Variants in IQCJ observed in about 807,000 individuals in gnomAD.
IQCJ encodes IQ domain-containing protein J.
Under a neutral mutation model 11.0 loss-of-function variants are expected in IQCJ, and 9 were observed. The observed-to-expected ratio is 0.82, with a 90% CI of 0.49 to 1.43. IQCJ has a LOEUF of 1.43. Ranked by LOEUF, IQCJ falls within the 40% of genes most tolerant of loss-of-function variation. The probability of loss-of-function intolerance (pLI) is 0.00; values close to 1 mark genes in which losing one functional copy is unlikely to be tolerated. For synonymous variants in IQCJ, 55 were observed against 51.3 expected, an observed-to-expected ratio of 1.07 and a Z score of -0.31; for missense variants, 146 against 133.2, an observed-to-expected ratio of 1.10 and a Z score of -0.47.
intron 1 of IQCJ, among the ~76,000 whole-genome samples, chr3:159,206,497 T>C (rs1724664411): frequency 6.6e-6 from 1 of 152,210 alleles, no homozygotes; most frequent in African/African-American, 2.4e-5. Context: ...AATCAAGATG[T>C]TCACCTTGAT....
intron 1 of IQCJ, among the ~76,000 whole-genome samples, chr3:159,164,246 A>G (rs1722039671): frequency 1.3e-5 from 2 of 152,152 alleles, no homozygotes; most frequent in Admixed American, 1.3e-4. Context: ...CCTTTTTGCT[A>G]CAATAAGAAA....
rs1304572825 is a variant in IQCJ, at chr3:159,109,532, A to AAAAAAAC, written c.9+40097_9+40098insCAAAAAA. ...GTAGCCTTACTTGTATTAACTAAAA[A>AAAAAAAC]AAAAAAAAAAAAAACCAGTTGTCAT... On this transcript the variant is annotated intron_variant, in intron 1 of 3. Transcript: ENST00000397832. 2.0e-5 allele frequency among the ~76,000 whole-genome samples: 3 copies of AAAAAAAC among 151,042 alleles called. No homozygotes were observed. The East Asian group carries it at 5.8e-4, about 29-fold the overall frequency.
intron 1 of IQCJ, among the ~76,000 whole-genome samples, chr3:159,108,454 T>C (rs1208375120): frequency 6.6e-6 from 1 of 152,222 alleles, no homozygotes; most frequent in Non-Finnish European, 1.5e-5. Context: ...AGGTATTTAA[T>C]TTCTTGGATC....
intron 3 of IQCJ, among the ~76,000 whole-genome samples, 180 bp downstream of exon 3, chr3:159,252,987 G>A (rs980746778): frequency 5.3e-5 from 8 of 152,108 alleles, no homozygotes; most frequent in African/African-American, 1.9e-4. Context: ...ACCATCTACT[G>A]GGTAGTACAG....
At chr3:159,158,174 T>G (rs1721639317) in intron 1 of IQCJ, among the ~76,000 whole-genome samples, 1 of 152,248 alleles carries the variant, frequency 6.6e-6, no homozygotes, top group Admixed American at 6.5e-5. Context: ...TTAAAGGTAC[T>G]GTTTTGTAGA....
intron 1 of IQCJ, among the ~76,000 whole-genome samples, chr3:159,096,546 G>A (rs1376693742): frequency 1.7e-5 from 1 of 57,456 alleles, no homozygotes; most frequent in East Asian, 5.0e-4. Flanking sequence ...TTTTGTATAA[G>A]GTGTAAGGAA....
At chr3:159,092,102 C>T (rs777160765) in intron 1 of IQCJ, among the ~76,000 whole-genome samples, 24 of 151,806 alleles carry the variant, frequency 1.6e-4, no homozygotes, top group South Asian at 6.2e-4. Flanking sequence ...GAGGACATCA[C>T]CTTCCCCAAC....
chr3:159,170,713 A>G (rs568511675), intron 1 of IQCJ, among the ~76,000 whole-genome samples: 1 of 151,240 alleles, frequency 6.6e-6, no homozygotes, highest in East Asian at 2.0e-4. Context: ...AGCTGGGGTA[A>G]TGTGCTATGG....
chr3:159,131,855 A>C (rs1409224167), intron 1 of IQCJ, among the ~76,000 whole-genome samples: 1 of 152,048 alleles, frequency 6.6e-6, no homozygotes. Context: ...TCAGGCTCTC[A>C]TTTGTCTACA....
chr3:159,250,576 G>T (rs138697299), intron 2 of IQCJ, among the ~76,000 whole-genome samples: 1 of 152,206 alleles, frequency 6.6e-6, no homozygotes, highest in Admixed American at 6.5e-5. Context: ...TTGCAATCTC[G>T]GCAGAAGGCA....
chr3:159,113,905 C>T (rs111540084), intron 1 of IQCJ, among the ~76,000 whole-genome samples: 85 of 152,244 alleles, frequency 5.6e-4, no homozygotes, highest in African/African-American at 1.9e-3. Context: ...AGGCAGTGAT[C>T]GTTTAAGAAC....
At chr3:159,231,591 C>A (rs1209712524) in intron 1 of IQCJ, among the ~76,000 whole-genome samples, 1 of 152,066 alleles carries the variant, frequency 6.6e-6, no homozygotes, top group Non-Finnish European at 1.5e-5. Context: ...CTGAAACTTT[C>A]TTTTTTTGTT....
intron 1 of IQCJ, among the ~76,000 whole-genome samples, chr3:159,222,071 G>A (rs2621278): frequency 0.69 from 105,428 of 151,954 alleles, 37,322 homozygotes; most frequent in Middle Eastern, 0.79. Flanking sequence ...TACTAAAATT[G>A]TAATACAAGA....
intron 1 of IQCJ, among the ~76,000 whole-genome samples, chr3:159,222,684 T>C (rs1427792454): frequency 6.6e-6 from 1 of 152,176 alleles, no homozygotes; most frequent in Non-Finnish European, 1.5e-5. Flanking sequence ...AGGTTTTAGG[T>C]ACTCTTGCCT....
intron 1 of IQCJ, among the ~76,000 whole-genome samples, chr3:159,173,124 T>C (rs1219395150): frequency 6.6e-6 from 1 of 152,196 alleles, no homozygotes; most frequent in African/African-American, 2.4e-5. Context: ...ATAAACACCC[T>C]CTTCAGCTTT....
chr3:159,144,661 GACACACACACACAC>G (rs10561081), intron 1 of IQCJ, among the ~76,000 whole-genome samples: 2,280 of 150,334 alleles, frequency 0.015, 26 homozygotes, highest in Non-Finnish European at 0.024. Context: ...TACACACACA[GACACACACACACAC>G]ACACACACAC....
intron 1 of IQCJ, among the ~76,000 whole-genome samples, chr3:159,105,190 C>CAT (rs1718175151): frequency 1.3e-5 from 2 of 152,092 alleles, no homozygotes; most frequent in Admixed American, 1.3e-4. Flanking sequence ...GTTAAAGTCA[C>CAT]ATATATATAA....
chr3:159,244,535 T>A (rs1436292693), intron 1 of IQCJ, among the ~76,000 whole-genome samples: 1 of 152,212 alleles, frequency 6.6e-6, no homozygotes, highest in African/African-American at 2.4e-5. Context: ...TCTTTGCTCT[T>A]CCTGCTCTAA....
At chr3:159,114,920 C>T (rs1718873212) in intron 1 of IQCJ, among the ~76,000 whole-genome samples, 1 of 152,230 alleles carries the variant, frequency 6.6e-6, no homozygotes, top group South Asian at 2.1e-4. Flanking sequence ...TTCCTGCCCC[C>T]CTGCCCCCGG....
Sources: allele counts gnomAD v4.1 joint callset (sites outside exome capture counted in the v4.1 genomes callset), GRCh38; gene constraint gnomAD v4.1.1; transcripts MANE v1.5; gene names NCBI Gene and HGNC (gene_info 2026-07-23, HGNC 2026-07-21).